The following EVL variants were observed in gnomAD, a reference collection of about 807,000 sequenced individuals.
EVL encodes the protein ena/VASP-like protein.
In EVL, 21 loss-of-function variants were observed where a neutral mutation model predicts 59.6. The observed-to-expected ratio is 0.35, with a 90% confidence interval of 0.25 to 0.51. The LOEUF is 0.51. Among genes scored for constraint, EVL ranks in the 20% least tolerant of loss-of-function variants. The pLI, the probability that EVL is intolerant of heterozygous loss-of-function variation, is 0.97. For synonymous variants in EVL, 198 were observed against 203.5 expected (o/e 0.97, Z 0.23); for missense variants, 462 against 546.6 (o/e 0.85, Z 1.54).
chr14:100,137,309 G>A, intron 9 of EVL: 2 of 525,904 alleles, frequency 3.8e-6, no homozygotes, highest in Non-Finnish European at 6.9e-6. Flanking sequence ...TCTAGTCACT[G>A]GGTCCCTTAC....
intron 1 of EVL, among the ~76,000 whole-genome samples, chr14:99,973,716 G>T (rs2060751009): frequency 6.6e-6 from 1 of 152,152 alleles, no homozygotes; most frequent in African/African-American, 2.4e-5. Flanking sequence ...ACCCGCCTTG[G>T]CCTCCCAAAC....
At chr14:99,996,894 A>G (rs2060917778) in intron 1 of EVL, among the ~76,000 whole-genome samples, 1 of 152,110 alleles carries the variant, frequency 6.6e-6, no homozygotes, top group Admixed American at 6.5e-5. Flanking sequence ...CAAGCAATCC[A>G]ACTGCCTTGG....
At chr14:99,991,069 T>TG (rs2060872773) in intron 1 of EVL, among the ~76,000 whole-genome samples, 4 of 152,094 alleles carry the variant, frequency 2.6e-5, no homozygotes, top group Admixed American at 1.3e-4. Context: ...GAAAGAAACT[T>TG]GGAGATGAAC....
At chr14:100,035,332 G>A (rs1296501422) in intron 1 of EVL, among the ~76,000 whole-genome samples, 2 of 31,160 alleles carry the variant, frequency 6.4e-5, no homozygotes, top group African/African-American at 1.2e-4. Context: ...ATTCAACAGT[G>A]TATGTGTTTT....
At chr14:100,006,811 C>CA (rs56007744) in intron 1 of EVL, among the ~76,000 whole-genome samples, 5,670 of 127,846 alleles carry the variant, frequency 0.044, 261 homozygotes, top group African/African-American at 0.11. Context: ...AGTAAAACAT[C>CA]AAAAAAAAAA....
intron 1 of EVL, among the ~76,000 whole-genome samples, chr14:99,978,413 A>G (rs2060784971): frequency 6.6e-6 from 1 of 152,124 alleles, no homozygotes; most frequent in Non-Finnish European, 1.5e-5. Context: ...AAAAAAAAAA[A>G]AGGCATGGAT....
intron 3 of EVL, among the ~76,000 whole-genome samples, chr14:100,121,563 C>T (rs571816005): frequency 2.6e-5 from 4 of 152,330 alleles, no homozygotes; most frequent in African/African-American, 2.4e-5. Flanking sequence ...CCTGCTCTGT[C>T]GGGTCTAAAA....
chr14:100,141,118 ACAGCCAGCTTTCCCCCACACCTGTCTC>A, intron 11 of EVL, 35 bp from the exon 12 acceptor site: 1 of 1,568,384 alleles, frequency 6.4e-7, no homozygotes, highest in Non-Finnish European at 8.7e-7. Context: ...GGGCCTCTGC[ACAGCCAGCTTTCCCCCACACCTGTCTC>A]CAGCCAGGGC....
chr14:100,044,333 T>A (rs1595085793), intron 1 of EVL, among the ~76,000 whole-genome samples: 1 of 152,158 alleles, frequency 6.6e-6, no homozygotes, highest in Admixed American at 6.5e-5. Context: ...GTCCCTATAT[T>A]TTTTTAATAT....
chr14:100,115,608 T>C (rs950601752), intron 3 of EVL, among the ~76,000 whole-genome samples: 1 of 152,174 alleles, frequency 6.6e-6, no homozygotes, highest in Non-Finnish European at 1.5e-5. Context: ...TACCTATTGG[T>C]CACCATGGAG....
intron 1 of EVL, among the ~76,000 whole-genome samples, chr14:100,057,249 A>G (rs774178231): frequency 6.6e-6 from 1 of 152,126 alleles, no homozygotes; most frequent in African/African-American, 2.4e-5. Context: ...TTCTCCCTTT[A>G]TATGATGAAA....
At chr14:100,141,631 TG>T in intron 12 of EVL, 104 bp from the exon 13 acceptor site, 1 of 1,046,148 alleles carries the variant, frequency 9.6e-7, no homozygotes, top group Non-Finnish European at 1.4e-6. Context: ...GATGCAACTC[TG>T]GAGAGGCCCA....
At chr14:100,061,778 TAAGCTAGAGAA>T (rs1382747569), upstream of EVL, among the ~76,000 whole-genome samples, 8 of 152,324 alleles carry the variant, frequency 5.3e-5, no homozygotes, top group South Asian at 1.2e-3. Flanking sequence ...TTCTTATAAT[TAAGCTAGAGAA>T]AAAATTTTAT....
chr14:100,031,769 C>T (rs544718154), intron 1 of EVL, among the ~76,000 whole-genome samples: 1 of 152,352 alleles, frequency 6.6e-6, no homozygotes, highest in South Asian at 2.1e-4. Context: ...TACTCTGCCC[C>T]CCATCTTCAT....
At chr14:100,137,947 A>G in intron 11 of EVL, 145 bp downstream of exon 11, 1 of 771,032 alleles carries the variant, frequency 1.3e-6, no homozygotes, top group South Asian at 1.7e-5. Flanking sequence ...TTTCAGACCC[A>G]GGACCTCGGG....
At chr14:100,088,249 A>T (rs1034376843) in intron 2 of EVL, among the ~76,000 whole-genome samples, 12 of 152,218 alleles carry the variant, frequency 7.9e-5, no homozygotes, top group African/African-American at 2.9e-4. Context: ...TAGATTCTGT[A>T]GTTTTTAGAT....
intron 1 of EVL, among the ~76,000 whole-genome samples, chr14:100,013,396 A>C (rs554287779): frequency 1.3e-5 from 2 of 152,360 alleles, no homozygotes; most frequent in East Asian, 1.9e-4. Context: ...TAATGTGTGT[A>C]ATGCACATCA....
rs985966643 is a variant in EVL, at chr14:99,985,556, T to G, written c.5+13499T>G. On this transcript the variant is annotated intron_variant, in intron 1 of 13. Coordinates refer to the EVL transcript ENST00000402714. ...GCTCAGGTGGGCGGATCACCTGAGG[T>G]CGGGAGTTCGTGACCAGCATGACCA... Among the ~76,000 whole-genome samples the G allele has an allele frequency of 2.0e-4, 30 of 151,934 alleles. No individual in the cohort carries two copies. The East Asian group carries it at 5.5e-3, about 28-fold the overall frequency.
At chr14:100,019,772 G>C (rs1481070775) in intron 1 of EVL, 13 of 1,337,134 alleles carry the variant, frequency 9.7e-6, no homozygotes, top group African/African-American at 1.5e-5. Flanking sequence ...CTTAGGCTCT[G>C]GCTGGTTCTC....
Sources: gnomAD v4.1 joint callset for allele counts (sites outside exome capture counted in the v4.1 genomes callset) on GRCh38, gnomAD v4.1.1 for gene constraint, MANE v1.5 for transcripts, NCBI Gene and HGNC (gene_info 2026-07-23, HGNC 2026-07-21) for gene names.